The following CUL2 variants were observed in gnomAD, a reference collection of about 807,000 sequenced individuals.
The protein encoded by CUL2 is cullin 2.
A neutral mutation model predicts 110.2 loss-of-function variants in CUL2; 22 were observed. The observed-to-expected ratio is 0.20, with a 90% confidence interval of 0.14 to 0.28. CUL2 has a LOEUF of 0.28. CUL2 is among the 10% of genes least tolerant of loss of function. CUL2 has a pLI of 1.00. For synonymous variants in CUL2, 279 were observed against 293.2 expected (o/e 0.95, Z 0.49); for missense variants, 631 against 905.5 (o/e 0.70, Z 3.89).
intron 1 of CUL2, among the ~76,000 whole-genome samples, chr10:35,124,329 C>T (rs950212087): frequency 6.6e-6 from 1 of 152,036 alleles, no homozygotes; most frequent in African/African-American, 2.4e-5. Context: ...TGCCTATAAT[C>T]CCAGCACTTT....
chr10:35,080,927 T>C (rs2086932500), intron 1 of CUL2, among the ~76,000 whole-genome samples: 1 of 151,986 alleles, frequency 6.6e-6, no homozygotes, highest in African/African-American at 2.4e-5. Context: ...ACAGAAGCCA[T>C]TTGCACCCAG....
chr10:35,025,077 TA>T, intron 17 of CUL2, 54 bp downstream of exon 17: 2 of 1,430,496 alleles, frequency 1.4e-6, no homozygotes, highest in Non-Finnish European at 1.8e-6. Flanking sequence ...CTTTCTAAAT[TA>T]ATATAATCAT....
chr10:35,077,761 G>A (rs1307648917), intron 1 of CUL2, among the ~76,000 whole-genome samples: 2 of 150,032 alleles, frequency 1.3e-5, no homozygotes, highest in Non-Finnish European at 3.0e-5. Flanking sequence ...GGGTTGCGGT[G>A]AGTCGAGATC....
chr10:35,032,642 A>G, intron 11 of CUL2, 148 bp from the exon 12 acceptor site: 1 of 545,294 alleles, frequency 1.8e-6, no homozygotes, highest in African/African-American at 2.0e-5. Context: ...TTCATGCCTA[A>G]CATGGTAGAC....
chr10:35,099,629 A>C (rs1200754292), intron 2 of CUL2: 1 of 152,106 alleles, frequency 6.6e-6, no homozygotes, highest in African/African-American at 2.4e-5. Context: ...AATAAAAATT[A>C]GCTGTGTGTG....
chr10:35,113,091 G>C (rs1278891405), intron 1 of CUL2, among the ~76,000 whole-genome samples: 1 of 147,052 alleles, frequency 6.8e-6, no homozygotes, highest in Non-Finnish European at 1.5e-5. Flanking sequence ...GTTGAGGCAG[G>C]AGAATGGCTT....
At chr10:35,013,125 T>G (rs1026900283) in intron 19 of CUL2, among the ~76,000 whole-genome samples, 2 of 151,958 alleles carry the variant, frequency 1.3e-5, no homozygotes, top group Non-Finnish European at 2.9e-5. Context: ...CGGATCACGA[T>G]GTCAGGAGAT....
At position 35,009,201 on chromosome 10, in the gene CUL2, T is replaced by TTATATATATATATATATATATATTA; in HGVS notation, c.*1109_*1110insTAATATATATATATATATATATATA. On this transcript the variant is annotated 3_prime_UTR_variant, in exon 21 of 21. Coordinates refer to ENST00000374749, the MANE Select transcript of CUL2 (RefSeq NM_003591.4). Reference sequence around the variant, plus strand: ...CTGTTGAGATATATATATATATATATTATATATATATATATATATAAAATA... The same window carrying TTATATATATATATATATATATATTA: ...CTGTTGAGATATATATATATATATATTATATATATATATATATATATATTATATATATATATATATATATAAAATA... 7.3e-6 allele frequency: 1 copy of TTATATATATATATATATATATATTA among 137,896 alleles called. No homozygotes were observed. Among genetic ancestry groups the TTATATATATATATATATATATATTA allele is most frequent in the African/African-American group, 2.7e-5 (1 of 37,358 alleles). 8.5% of individuals were successfully genotyped at this position (137,896 alleles called of 1,614,324 possible).
chr10:35,089,124 G>C (rs572183644), intron 1 of CUL2, among the ~76,000 whole-genome samples: 41 of 152,230 alleles, frequency 2.7e-4, no homozygotes, highest in African/African-American at 9.4e-4. Flanking sequence ...GCAGTGAGCC[G>C]AGATCGCACC....
At chr10:35,113,449 T>C (rs2087547737) in intron 1 of CUL2, among the ~76,000 whole-genome samples, 1 of 118,110 alleles carries the variant, frequency 8.5e-6, no homozygotes, top group Non-Finnish European at 1.6e-5. Context: ...AGTGAGCCGA[T>C]ATCACGCTAC....
intron 5 of CUL2, among the ~76,000 whole-genome samples, chr10:35,051,305 A>T (rs1361333945): frequency 8.3e-6 from 1 of 120,776 alleles, no homozygotes; most frequent in African/African-American, 3.2e-5. Context: ...ACAGAGCGAG[A>T]CTCCGTCTCA....
intron 10 of CUL2, among the ~76,000 whole-genome samples, chr10:35,034,767 C>G (rs1232497662): frequency 6.6e-6 from 1 of 152,156 alleles, no homozygotes; most frequent in African/African-American, 2.4e-5. Flanking sequence ...AATTTGCTTC[C>G]TGGACAACCA....
At chr10:35,116,265 C>T (rs118186958) in intron 1 of CUL2, among the ~76,000 whole-genome samples, 2,605 of 152,002 alleles carry the variant, frequency 0.017, 30 homozygotes, top group Middle Eastern at 0.027. Context: ...ATTCCTTGAA[C>T]CTGGGAGGTG....
At chr10:35,044,426 T>C in intron 8 of CUL2, 140 bp downstream of exon 8, 1 of 551,456 alleles carries the variant, frequency 1.8e-6, no homozygotes, top group Non-Finnish European at 3.1e-6. Flanking sequence ...TAACTGTAAC[T>C]CAGAGTTAAT....
rs1434968661 is a variant in CUL2, at chr10:35,012,950, AC to A, written c.1989+748del. Among the ~76,000 whole-genome samples the A allele has an allele frequency of 3.9e-5, 6 of 152,200 alleles. No individual in the cohort carries two copies. The East Asian group carries it at 9.7e-4, about 24-fold the overall frequency. Reference sequence around the variant, plus strand: ...CCTGTCAGTACCTCACTCCACACCCACTAGATCACAATCTGCATTTGAACAA... The same window carrying A: ...CCTGTCAGTACCTCACTCCACACCCATAGATCACAATCTGCATTTGAACAA... On this transcript the variant is annotated intron_variant, in intron 19 of 20. Coordinates refer to ENST00000374749, the MANE Select transcript of CUL2 (RefSeq NM_003591.4).
chr10:35,124,660 A>G (rs1323846886), intron 1 of CUL2, among the ~76,000 whole-genome samples: 2 of 152,214 alleles, frequency 1.3e-5, no homozygotes, highest in African/African-American at 2.4e-5. Flanking sequence ...AGCAGTGCCA[A>G]CAGTTTTCAA....
chr10:35,097,587 A>T (rs2087317240), intron 2 of CUL2, among the ~76,000 whole-genome samples: 1 of 151,704 alleles, frequency 6.6e-6, no homozygotes, highest in Admixed American at 6.6e-5. Context: ...TACCCTTGGC[A>T]TGATGTGCTG....
At chr10:35,061,886 G>GT (rs1002896171) in intron 3 of CUL2, among the ~76,000 whole-genome samples, 9 of 151,650 alleles carry the variant, frequency 5.9e-5, no homozygotes, top group Admixed American at 1.3e-4. Context: ...GAGATTACAG[G>GT]TGTAAGCCAC....
At chr10:35,065,925 CT>C (rs1298162566) in intron 2 of CUL2, among the ~76,000 whole-genome samples, 2 of 152,148 alleles carry the variant, frequency 1.3e-5, no homozygotes, top group African/African-American at 4.8e-5. Flanking sequence ...CTAGACTTAT[CT>C]TTTCCTAAGT....
Sources: gnomAD v4.1 joint callset for allele counts (sites outside exome capture counted in the v4.1 genomes callset) on GRCh38, gnomAD v4.1.1 for gene constraint, MANE v1.5 for transcripts, NCBI Gene and HGNC (gene_info 2026-07-23, HGNC 2026-07-21) for gene names.